Variants in FGF12 observed in about 807,000 individuals in gnomAD.
FGF12 encodes the protein fibroblast growth factor 12, also known as fibroblast growth factor 12B.
In FGF12, 14 loss-of-function variants were observed where a neutral mutation model predicts 23.6. The observed-to-expected ratio is 0.59, with a 90% CI of 0.39 to 0.93. The LOEUF (loss-of-function observed/expected upper bound fraction) is 0.93, where lower values mean the gene tolerates loss of function less well. Among genes scored for constraint, FGF12 ranks in the 40% least tolerant of loss-of-function variants. The pLI is 0.00. For synonymous variants in FGF12, 62 were observed against 77.3 expected (o/e 0.80, Z 1.04); for missense variants, 175 against 217.8 (o/e 0.80, Z 1.24).
chr3:192,556,302 C>A (rs2654699), intron 2 of FGF12, among the ~76,000 whole-genome samples: 1 of 152,144 alleles, frequency 6.6e-6, no homozygotes, highest in African/African-American at 2.4e-5. Flanking sequence ...AGGACACACA[C>A]AGACTGAAAG....
chr3:192,489,107 A>G (rs1350835658), intron 2 of FGF12, among the ~76,000 whole-genome samples: 1 of 152,072 alleles, frequency 6.6e-6, no homozygotes, highest in Non-Finnish European at 1.5e-5. Flanking sequence ...GCTGGTAAAA[A>G]GTCACTTTAT....
At chr3:192,612,844 C>G (rs1378021985) in intron 2 of FGF12, among the ~76,000 whole-genome samples, 1 of 151,904 alleles carries the variant, frequency 6.6e-6, no homozygotes, top group African/African-American at 2.4e-5. Flanking sequence ...CTTTATACCC[C>G]CTGTTCCAAG....
rs1714962829 is a variant in FGF12, at chr3:192,162,994, G to GA, written c.427+7463dup. Among the ~76,000 whole-genome samples, 3 of 152,070 alleles carry GA rather than the reference G, an allele frequency of 2.0e-5. No homozygotes were observed. The South Asian group carries it at 6.2e-4, about 31-fold the overall frequency. On this transcript the variant is annotated intron_variant, in intron 5 of 5. Coordinates refer to ENST00000445105, the MANE Select transcript of FGF12 (RefSeq NM_004113.6). The stretch of plus-strand genomic sequence containing the variant: ...ATGTTTGATCTGACAGAATTCTCTT[G>GA]AAAAATCCAACTTTTTTTTACAATG...
intron 4 of FGF12, among the ~76,000 whole-genome samples, chr3:192,246,774 A>G (rs111935207): frequency 0.026 from 3,890 of 150,106 alleles, 128 homozygotes; most frequent in African/African-American, 0.081. Context: ...GCAGTGAGCC[A>G]AGATTGTGCC....
At chr3:192,243,275 CGAA>C (rs1225164768) in intron 4 of FGF12, among the ~76,000 whole-genome samples, 1 of 151,600 alleles carries the variant, frequency 6.6e-6, no homozygotes, top group Non-Finnish European at 1.5e-5. Flanking sequence ...ATCATGAAAA[CGAA>C]GAGCAATTTG....
rs758975687 is a variant in FGF12 at position 192,638,778 on chromosome 3, A to G, written c.13+88403T>C. 3.9e-5 allele frequency among the ~76,000 whole-genome samples: 6 copies of G among 152,180 alleles called. No homozygotes were observed. The East Asian group carries it at 1.2e-3, about 29-fold the overall frequency. On this transcript the variant is annotated intron_variant, in intron 2 of 5. Coordinates refer to ENST00000445105, the MANE Select transcript of FGF12 (RefSeq NM_004113.6). ...CAGCCCACATTTGTGGGAGTATTGG[A>G]TGGGAAAAATCCCACGGATCAGATT... is the stretch of plus-strand genomic sequence containing the variant.
In FGF12 at chr3:192,408,412, C is replaced by CA. The variant is rs1177895900; in HGVS notation, c.14-47875dup. On this transcript the variant is annotated intron_variant, in intron 2 of 5. Coordinates refer to ENST00000445105, the MANE Select transcript of FGF12 (RefSeq NM_004113.6). This position sits in a 1 kb window ranked among gnomAD's most constrained non-coding sequence, Gnocchi z 7.3. ...TTAGTCAAAGTCTGGGCAGTGGCGA[C>CA]AAAATGTGTGAAAATCCAGATGTAA... 27 of 1,400,636 alleles carry CA rather than the reference C, an allele frequency of 1.9e-5. No homozygotes were observed. The highest frequency in any genetic ancestry group is 2.5e-5 in the Non-Finnish European group (27 of 1,083,316). 86.8% of individuals were successfully genotyped at this position (1,400,636 alleles called of 1,614,324 possible).
intron 4 of FGF12, among the ~76,000 whole-genome samples, chr3:192,290,059 A>G (rs1448574554): frequency 1.3e-5 from 2 of 152,138 alleles, no homozygotes; most frequent in African/African-American, 4.8e-5. Flanking sequence ...GGGGATGGAA[A>G]GACAAAGTTG....
At chr3:192,481,237 C>A (rs188576994) in intron 2 of FGF12, among the ~76,000 whole-genome samples, 3 of 151,484 alleles carry the variant, frequency 2.0e-5, no homozygotes, top group African/African-American at 7.3e-5. Flanking sequence ...TGTAAGGGTA[C>A]GTTGATATAA....
At chr3:192,438,879 G>T (rs1329943875) in intron 2 of FGF12, among the ~76,000 whole-genome samples, 1 of 152,182 alleles carries the variant, frequency 6.6e-6, no homozygotes, top group Non-Finnish European at 1.5e-5. Flanking sequence ...AGAACAGGTT[G>T]GCTTGAGAGA....
chr3:192,652,125 C>G (rs1040113173), intron 2 of FGF12, among the ~76,000 whole-genome samples: 1 of 152,174 alleles, frequency 6.6e-6, no homozygotes, highest in Non-Finnish European at 1.5e-5. Context: ...TCTTACACTT[C>G]CAGGAGAGAT....
At chr3:192,660,599 GTATACTCTGT>G (rs1427341162) in intron 2 of FGF12, among the ~76,000 whole-genome samples, 5 of 151,780 alleles carry the variant, frequency 3.3e-5, no homozygotes, top group African/African-American at 1.2e-4. Context: ...TCTGACCATT[GTATACTCTGT>G]TTTTGGAAAA....
In FGF12 at chr3:192,691,055, G is replaced by A. The variant is rs551775881; in HGVS notation, c.13+36126C>T. Among the ~76,000 whole-genome samples the A allele has an allele frequency of 1.4e-4, 22 of 152,070 alleles. No homozygotes were observed. In the South Asian group the frequency reaches 2.5e-3, roughly 17 times the overall value. On this transcript the variant is annotated intron_variant, in intron 2 of 5. Coordinates refer to ENST00000445105, the MANE Select transcript of FGF12 (RefSeq NM_004113.6). ...ATATAAAGCAAATATTAACAGATCCGAAGGGGGAAATAAACAGGAATACAA... is the reference window on the plus strand; with the variant it reads ...ATATAAAGCAAATATTAACAGATCCAAAGGGGGAAATAAACAGGAATACAA...
chr3:192,189,412 G>C (rs1298673538), intron 4 of FGF12, among the ~76,000 whole-genome samples: 1 of 152,174 alleles, frequency 6.6e-6, no homozygotes, highest in Non-Finnish European at 1.5e-5. Context: ...AAAATGTAAA[G>C]TTGACGCACC....
At chr3:192,327,443 T>C (rs1193499947) in intron 4 of FGF12, among the ~76,000 whole-genome samples, 2 of 152,098 alleles carry the variant, frequency 1.3e-5, no homozygotes. Flanking sequence ...ACAATTTGAC[T>C]TTAGTTTATC....
At chr3:192,545,417 C>T (rs574344732) in intron 2 of FGF12, among the ~76,000 whole-genome samples, 2 of 152,180 alleles carry the variant, frequency 1.3e-5, no homozygotes, top group African/African-American at 4.8e-5. Context: ...CATGTTTCAA[C>T]GACCTCTGAA....
intron 2 of FGF12, among the ~76,000 whole-genome samples, chr3:192,580,920 A>C (rs1713106166): frequency 2.0e-5 from 3 of 152,174 alleles, no homozygotes; most frequent in Non-Finnish European, 4.4e-5. Context: ...TTTTAATGAC[A>C]CTAATACATG....
intron 2 of FGF12, among the ~76,000 whole-genome samples, chr3:192,568,672 G>A (rs369895869): frequency 9.9e-5 from 15 of 152,080 alleles, no homozygotes; most frequent in South Asian, 4.1e-4. Context: ...TAATTTTTAC[G>A]TTTTATTAAA....
At chr3:192,618,324 C>T (rs1577081790) in intron 2 of FGF12, among the ~76,000 whole-genome samples, 1 of 151,858 alleles carries the variant, frequency 6.6e-6, no homozygotes, top group East Asian at 1.9e-4. Flanking sequence ...GCATTCCAAA[C>T]TGGTACAGGT....
Sources: allele counts gnomAD v4.1 joint callset (sites outside exome capture counted in the v4.1 genomes callset), GRCh38; gene constraint gnomAD v4.1.1; non-coding constraint Gnocchi (gnomAD v3.1); transcripts MANE v1.5; gene names NCBI Gene and HGNC (gene_info 2026-07-23, HGNC 2026-07-21).